Variants in CHDH observed in about 807,000 individuals in gnomAD.
CHDH encodes choline dehydrogenase, mitochondrial.
A neutral mutation model predicts 56.9 loss-of-function variants in CHDH; 43 were observed. The observed-to-expected ratio is 0.76, with a 90% CI of 0.59 to 0.97. CHDH has a LOEUF of 0.97. Ranked by LOEUF, CHDH falls within the 50% of genes least tolerant of loss-of-function variation. CHDH has a pLI of 0.00. For synonymous variants in CHDH, 364 were observed against 348.5 expected, an observed-to-expected ratio of 1.04 and a Z score of -0.50; for missense variants, 816 against 821.1, an observed-to-expected ratio of 0.99 and a Z score of 0.08.
At position 53,819,418 on chromosome 3, in the gene CHDH, C is replaced by G. The variant is rs1298209955; in HGVS notation, c.1263+114G>C. On this transcript the variant is annotated intron_variant, in intron 7 of 8. Transcript: ENST00000315251. This position sits in a 1 kb window ranked among gnomAD's most constrained non-coding sequence, Gnocchi z 5.4. ...AGGCAGGGGACAGGCCTCTGTGTCC[C>G]CCACTCTGCAGCCATATGGCACCAG... The G allele has an allele frequency of 5.7e-6, 8 of 1,391,580 alleles. No individual in the cohort carries two copies. The highest frequency in any genetic ancestry group is 7.8e-6 in the Non-Finnish European group (8 of 1,020,894). The allele number at this position is 1,391,580 out of a possible 1,614,324, so 86.2% of individuals were successfully genotyped here. A position where few individuals can be genotyped will look rare whatever the true frequency, so the allele number is the denominator to read the frequency against.
intron 3 of CHDH, 150 bp downstream of exon 3, chr3:53,823,156 C>T: frequency 2.7e-6 from 2 of 731,672 alleles, no homozygotes; most frequent in Non-Finnish European, 4.3e-6. Flanking sequence ...GAGGGGTATA[C>T]TAAGCCAGAT....
rs770950534 is a variant in CHDH, at chr3:53,823,501, C to T, written c.508G>A (p.Ala170Thr). 27 of 1,542,870 alleles carry T rather than the reference C, an allele frequency of 1.7e-5. No individual in the cohort carries two copies. The highest frequency in any genetic ancestry group is 2.3e-5 in the Non-Finnish European group (26 of 1,145,626). The change falls in exon 3 of 9, where the codon GCG (alanine) becomes ACG (threonine). Residue 170 changes from alanine to threonine, a missense_variant. Ala to Thr is a moderately conservative substitution (Grantham distance 58, BLOSUM62 0). Coordinates refer to ENST00000315251, the MANE Select transcript of CHDH (RefSeq NM_018397.5). ...YAHCLPYFRK[A>T]QGHELGASRY... The stretch of plus-strand genomic sequence containing the variant: ...CTGGCGCCCAGCTCGTGGCCCTGCG[C>T]CTTGCGGAAGTAGGGCAGGCAGTGC...
At position 53,840,929 on chromosome 3, in the gene CHDH, C is replaced by T. The variant is rs1239148441; in HGVS notation, c.-60G>A. On this transcript the variant is annotated splice_region_variant and 5_prime_UTR_variant, in exon 2 of 9. Coordinates refer to ENST00000315251, the MANE Select transcript of CHDH (RefSeq NM_018397.5). ...GAAATCTCAGTTAAAAAATACCCAC[C>T]TCACATCCAGAAGTGACAGGATACG... is the stretch of plus-strand genomic sequence containing the variant. 1 of 152,102 alleles carries T rather than the reference C, an allele frequency of 6.6e-6. No individual in the cohort carries two copies. Among genetic ancestry groups the T allele is most frequent in the Non-Finnish European group, 1.5e-5 (1 of 67,998 alleles). 9.4% of individuals were successfully genotyped at this position (152,102 alleles called of 1,614,324 possible).
rs1374557174 is a variant in CHDH, at chr3:53,823,865, C to G, written c.144G>C (p.Ala48=). The change falls in exon 3 of 9, where the codon GCG becomes GCC. Residue 48 remains alanine (A), a synonymous_variant. Transcript: ENST00000315251. ...CAGCCAGCACGCAGCCCGCCGAGCC[C>G]GCGCCCACCACCACATAGCTGTACT... ...RDEYSYVVVG[A]GSAGCVLAGR... 1 of 1,591,330 alleles carries G rather than the reference C, an allele frequency of 6.3e-7. No homozygotes were observed. The highest frequency in any genetic ancestry group is 8.5e-7 in the Non-Finnish European group (1 of 1,176,220).
intron 1 of CHDH, chr3:53,844,469 C>T (rs1379439914): frequency 1.3e-5 from 2 of 153,248 alleles, no homozygotes; most frequent in African/African-American, 4.8e-5. Flanking sequence ...GCTGCAGCCC[C>T]TTAGACCTCC....
rs1262231948 is a variant in CHDH, at chr3:53,820,459, G to T, written c.1120+15C>A. 6.2e-7 allele frequency: 1 copy of T among 1,603,574 alleles called. No individual in the cohort carries two copies. The highest frequency in any genetic ancestry group is 1.7e-5 in the Admixed American group (1 of 59,146). ...ATAGGCAGTCTCCTCCCAGGTTACTGGTAAGCGTGCTCACCTGTGAATTTC... is the reference window on the plus strand; with the variant it reads ...ATAGGCAGTCTCCTCCCAGGTTACTTGTAAGCGTGCTCACCTGTGAATTTC... On this transcript the variant is annotated intron_variant, in intron 6 of 8. Transcript: ENST00000315251.
rs1296020640 is a variant in CHDH at position 53,813,440 on chromosome 3, C to G, written c.*4337G>C. 1 of 152,218 alleles carries G rather than the reference C, an allele frequency of 6.6e-6. No individual in the cohort carries two copies. The highest frequency in any genetic ancestry group is 1.5e-5 in the Non-Finnish European group (1 of 68,048). The allele number at this position is 152,218 out of a possible 1,614,324, so 9.4% of individuals were successfully genotyped here. On this transcript the variant is annotated 3_prime_UTR_variant, in exon 9 of 9. Coordinates refer to ENST00000315251, the MANE Select transcript of CHDH (RefSeq NM_018397.5). ...ATGGATATTCTTATCCTCCTGGTTCCTTCGGTGCCAATGGTAACCTAATAC... is the reference window on the plus strand; with the variant it reads ...ATGGATATTCTTATCCTCCTGGTTCGTTCGGTGCCAATGGTAACCTAATAC...
rs755620844 is a variant in CHDH at position 53,819,610 on chromosome 3, G to A, written c.1185C>T (p.His395=). The A allele has an allele frequency of 2.5e-6, 4 of 1,612,588 alleles. No individual in the cohort carries two copies. Among genetic ancestry groups the A allele is most frequent in the African/African-American group, 2.7e-5 (2 of 74,786 alleles). The change falls in exon 7 of 9, where the codon CAC becomes CAT. Residue 395 remains histidine (H), a synonymous_variant. Coordinates refer to ENST00000315251, the MANE Select transcript of CHDH (RefSeq NM_018397.5). The surrounding 1 kb of genome is among the most constrained non-coding windows in gnomAD (Gnocchi z 5.4). ...GCAGGAAATGGAACTGGATGTCCGGGTGGGGGACCCCAGGCTGGCTGCGGA... is the reference window on the plus strand; with the variant it reads ...GCAGGAAATGGAACTGGATGTCCGGATGGGGGACCCCAGGCTGGCTGCGGA... The part of the protein sequence containing the change: ...GFIRSQPGVP[H]PDIQFHFLPS...
intron 1 of CHDH, chr3:53,844,561 A>T (rs1364043910): frequency 6.5e-6 from 1 of 152,984 alleles, no homozygotes; most frequent in Non-Finnish European, 1.5e-5. Context: ...CTGACTCATG[A>T]ACCCTGTCTC....
intron 2 of CHDH, among the ~76,000 whole-genome samples, chr3:53,828,703 C>T (rs1698235008): frequency 6.6e-6 from 1 of 152,186 alleles, no homozygotes; most frequent in Non-Finnish European, 1.5e-5. Flanking sequence ...TGAGACACTA[C>T]TATACACATA....
intron 2 of CHDH, among the ~76,000 whole-genome samples, chr3:53,830,222 T>C (rs1342827807): frequency 6.6e-6 from 1 of 151,850 alleles, no homozygotes; most frequent in Admixed American, 6.6e-5. Flanking sequence ...GAAATGCTGA[T>C]TTCAAAATGT....
At chr3:53,822,289 T>C (rs2095628513) in intron 4 of CHDH, among the ~76,000 whole-genome samples, 1 of 152,018 alleles carries the variant, frequency 6.6e-6, no homozygotes, top group South Asian at 2.1e-4. Context: ...ACTGACACCA[T>C]AGGCCCTTTC....
chr3:53,822,015 G>A lies in CHDH; in HGVS notation c.856-239C>T, dbSNP rs992186936. ...GACAGCCTTAGAAACAGGAGGGGAGGGCTTACACGAGATAAATGAAAGCAG... is the reference window on the plus strand; with the variant it reads ...GACAGCCTTAGAAACAGGAGGGGAGAGCTTACACGAGATAAATGAAAGCAG... On this transcript the variant is annotated intron_variant, in intron 4 of 8. Coordinates refer to ENST00000315251, the MANE Select transcript of CHDH (RefSeq NM_018397.5). Among the ~76,000 whole-genome samples the A allele has an allele frequency of 9.2e-5, 14 of 151,934 alleles. No individual in the cohort carries two copies. The East Asian group carries it at 2.3e-3, about 25-fold the overall frequency.
Position 53,817,486 on chromosome 3 carries a change from G to A in CHDH, c.*291C>T. The A allele has an allele frequency of 2.4e-6, 1 of 424,712 alleles. No homozygotes were observed. Among genetic ancestry groups the A allele is most frequent in the East Asian group, 3.9e-5 (1 of 25,472 alleles). 26.3% of individuals were successfully genotyped at this position (424,712 alleles called of 1,614,324 possible). A position where few individuals can be genotyped will look rare whatever the true frequency, so the allele number is the denominator to read the frequency against. ...ACACAAGAAAAAGGATGCGGCAGGA[G>A]TTAACCATCCTCCCCTTCTGTCCCT... On this transcript the variant is annotated 3_prime_UTR_variant, in exon 9 of 9. Coordinates refer to ENST00000315251, the MANE Select transcript of CHDH (RefSeq NM_018397.5).
Position 53,821,708 on chromosome 3 carries a change from A to C in CHDH, c.924T>G (p.Ser308=), listed in dbSNP as rs1261512967. ...TGAGGTCATCAGCATTCCCGATGCC[A>C]GAGAGCATGAGCAGCTGTGGAGAGT... ...AINSPQLLML[S]GIGNADDLKK... Residue 308 remains serine, a synonymous_variant, in exon 5 of 9, where the codon TCT becomes TCG. Coordinates refer to ENST00000315251, the MANE Select transcript of CHDH (RefSeq NM_018397.5). The C allele has an allele frequency of 1.2e-6, 2 of 1,614,036 alleles. No homozygotes were observed. Among genetic ancestry groups the C allele is most frequent in the Non-Finnish European group, 8.5e-7 (1 of 1,179,910 alleles).
Position 53,820,618 on chromosome 3 carries a change from G to A in CHDH, c.986-10C>T, listed in dbSNP as rs1165497939. 1 of 1,606,688 alleles carries A rather than the reference G, an allele frequency of 6.2e-7. No homozygotes were observed. The highest frequency in any genetic ancestry group is 1.7e-5 in the Admixed American group (1 of 58,548). On this transcript the variant is annotated splice_polypyrimidine_tract_variant and intron_variant, in intron 5 of 8. Coordinates refer to ENST00000315251, the MANE Select transcript of CHDH (RefSeq NM_018397.5). ...AGGTTCTGGCCAACCCCTGATACGG[G>A]AAGGAGTGGTTTAGAAAATGGCTAC...
chr3:53,844,998 C>T (rs1270636966), intron 1 of CHDH, among the ~76,000 whole-genome samples: 2 of 152,226 alleles, frequency 1.3e-5, no homozygotes, highest in African/African-American at 2.4e-5. Context: ...TCAGCCAGCA[C>T]CCATGTGTGG....
Position 53,819,550 on chromosome 3 carries a change from G to C in CHDH, c.1245C>G (p.Thr415=). ...SQVIDHGRVP[T]QQEAYQVHVG... Reference sequence around the variant, plus strand: ...TGCTCACCTGGTAAGCCTCCTGCTGGGTGGGGACCCGCCCGTGGTCAATCA... The same window carrying C: ...TGCTCACCTGGTAAGCCTCCTGCTGCGTGGGGACCCGCCCGTGGTCAATCA... Residue 415 remains threonine (T), a synonymous_variant, in exon 7 of 9, where the codon ACC becomes ACG. Coordinates refer to ENST00000315251, the MANE Select transcript of CHDH (RefSeq NM_018397.5). This position sits in a 1 kb window ranked among gnomAD's most constrained non-coding sequence, Gnocchi z 5.4. 6.2e-7 allele frequency: 1 copy of C among 1,611,692 alleles called. No homozygotes were observed. Among genetic ancestry groups the C allele is most frequent in the Non-Finnish European group, 8.5e-7 (1 of 1,178,744 alleles).
At position 53,832,481 on chromosome 3, in the gene CHDH, G is replaced by C. The variant is rs552734834; in HGVS notation, c.-59-8414C>G. 5.3e-5 allele frequency among the ~76,000 whole-genome samples: 8 copies of C among 152,074 alleles called. No individual in the cohort carries two copies. In the South Asian group the frequency reaches 8.3e-4, roughly 16 times the overall value. On this transcript the variant is annotated intron_variant, in intron 2 of 8. Transcript: ENST00000315251. ...CAGGAGGCGGAGCTTGCAGTGAGCC[G>C]AGATCGTACCACTGCACTCCAGCCT...
Sources: gnomAD v4.1 joint callset for allele counts (sites outside exome capture counted in the v4.1 genomes callset) on GRCh38, gnomAD v4.1.1 for gene constraint, Gnocchi (gnomAD v3.1) non-coding constraint, MANE v1.5 for transcripts, NCBI Gene and HGNC (gene_info 2026-07-23, HGNC 2026-07-21) for gene names.